The following TTC17 variants were observed in gnomAD, a reference collection of about 807,000 sequenced individuals.
TTC17 encodes the protein tetratricopeptide repeat protein 17.
Under a neutral mutation model 143.8 loss-of-function variants are expected in TTC17, and 58 were observed. The ratio of observed to expected loss-of-function variants is 0.40; its 90% confidence interval spans 0.33 to 0.50. The LOEUF (loss-of-function observed/expected upper bound fraction) is 0.50. Ranked by LOEUF, TTC17 falls within the 20% of genes least tolerant of loss-of-function variation. TTC17 has a pLI of 0.49. For synonymous variants in TTC17, 501 were observed against 497.8 expected (o/e 1.01, Z -0.09); for missense variants, 1,273 against 1,392.5 (o/e 0.91, Z 1.37).
At chr11:43,408,037 C>G (rs1382833934) in intron 15 of TTC17, among the ~76,000 whole-genome samples, 1 of 152,086 alleles carries the variant, frequency 6.6e-6, no homozygotes, top group Non-Finnish European at 1.5e-5. Context: ...TTTCATGCCC[C>G]AAACCTCTCA....
intron 21 of TTC17, among the ~76,000 whole-genome samples, chr11:43,462,969 G>A (rs1947899289): frequency 7.5e-6 from 1 of 133,958 alleles, no homozygotes; most frequent in South Asian, 2.2e-4. Context: ...AGGCTGAAGT[G>A]CAGTGGTGCT....
Position 43,450,136 on chromosome 11 carries a change from T to A in TTC17, c.2841T>A (p.Pro947=), listed in dbSNP as rs755363868. ...ATPIQQPAME[P]LCNGNLPTSM... Reference sequence around the variant, plus strand: ...CTATACAGCAGCCAGCAATGGAGCCTCTTTGCAATGGCAATCTCCCCACGA... The same window carrying A: ...CTATACAGCAGCCAGCAATGGAGCCACTTTGCAATGGCAATCTCCCCACGA... Residue 947 remains proline (P), a synonymous_variant, in exon 20 of 24, where the codon CCT becomes CCA. Transcript: ENST00000039989. The A allele has an allele frequency of 1.2e-6, 2 of 1,614,188 alleles. No individual in the cohort carries two copies. The highest frequency in any genetic ancestry group is 8.5e-7 in the Non-Finnish European group (1 of 1,180,014).
In TTC17 at chr11:43,389,835, C is replaced by A. The variant is rs759306118; in HGVS notation, c.419+14C>A. On this transcript the variant is annotated intron_variant, in intron 3 of 23. Coordinates refer to ENST00000039989, the MANE Select transcript of TTC17 (RefSeq NM_018259.6). The stretch of plus-strand genomic sequence containing the variant: ...CAAAGACATCAGGTAAAGAAGTTCT[C>A]TTTCCAAAAATAAAATTGCTGTTTC... The A allele has an allele frequency of 3.8e-6, 6 of 1,564,540 alleles. No individual in the cohort carries two copies. Among genetic ancestry groups the A allele is most frequent in the Non-Finnish European group, 5.2e-6 (6 of 1,159,408 alleles).
intron 21 of TTC17, among the ~76,000 whole-genome samples, chr11:43,475,507 A>AT: frequency 6.6e-6 from 1 of 152,144 alleles, no homozygotes; most frequent in East Asian, 1.9e-4. Context: ...TAATTTTTAA[A>AT]TTTTTTAAAT....
chr11:43,383,040 C>G (rs1200264696), intron 2 of TTC17, among the ~76,000 whole-genome samples: 1 of 152,084 alleles, frequency 6.6e-6, no homozygotes, highest in Non-Finnish European at 1.5e-5. Context: ...GCTGGGACCA[C>G]AGGCGTGCAC....
At chr11:43,482,458 T>G (rs1241634427) in intron 21 of TTC17, among the ~76,000 whole-genome samples, 1 of 152,094 alleles carries the variant, frequency 6.6e-6, no homozygotes, top group Non-Finnish European at 1.5e-5. Context: ...TTTAGGAGTA[T>G]GATATTTAGT....
intron 3 of TTC17, among the ~76,000 whole-genome samples, chr11:43,390,790 C>T (rs1857355382): frequency 6.6e-6 from 1 of 151,672 alleles, no homozygotes; most frequent in South Asian, 2.1e-4. Flanking sequence ...CAAATGAAAA[C>T]ATTTAGATAG....
chr11:43,362,926 A>G (rs1018454706), intron 1 of TTC17, among the ~76,000 whole-genome samples: 3 of 152,190 alleles, frequency 2.0e-5, no homozygotes, highest in African/African-American at 7.2e-5. Flanking sequence ...CACTGGTGTC[A>G]GGGGAAGGCT....
In TTC17 at chr11:43,450,208, C is replaced by G. The variant is rs766747933; in HGVS notation, c.2913C>G (p.Ser971Arg). ...TGCATGGGGTTTCCAACCGAGCCAG[C>G]CTGCACTACACAGGGGAGAGTCAGT... is the stretch of plus-strand genomic sequence containing the variant. ...DHLHGVSNRA[S>R]LHYTGESQLT... Residue 971 changes from serine to arginine, a missense_variant, in exon 20 of 24, where the codon AGC becomes AGG. Transcript: ENST00000039989. The G allele has an allele frequency of 4.3e-6, 7 of 1,613,988 alleles. No individual in the cohort carries two copies. In the South Asian group the frequency reaches 5.5e-5, roughly 13 times the overall value.
At chr11:43,436,408 A>G (rs954901290) in intron 16 of TTC17, 13 of 1,195,198 alleles carry the variant, frequency 1.1e-5, no homozygotes, top group African/African-American at 1.6e-5. Flanking sequence ...GCTTTTCTCT[A>G]CTTTTAAGAA....
At chr11:43,420,267 C>T (rs1436542927) in intron 16 of TTC17, among the ~76,000 whole-genome samples, 1 of 152,206 alleles carries the variant, frequency 6.6e-6, no homozygotes, top group Admixed American at 6.5e-5. Flanking sequence ...CTTCTACCTT[C>T]AGCCAATCAT....
intron 16 of TTC17, chr11:43,436,058 C>T: frequency 1.0e-6 from 1 of 986,216 alleles, no homozygotes; most frequent in African/African-American, 1.7e-5. Context: ...TGAAGAAAAA[C>T]CGGCATTGTC....
Position 43,407,384 on chromosome 11 carries a change from A to C in TTC17, c.1871A>C (p.Glu624Ala). 1 of 1,613,876 alleles carries C rather than the reference A, an allele frequency of 6.2e-7. No homozygotes were observed. Among genetic ancestry groups the C allele is most frequent in the Non-Finnish European group, 8.5e-7 (1 of 1,179,964 alleles). The change falls in exon 15 of 24, where the codon GAA (glutamate) becomes GCA (alanine). Residue 624 changes from glutamate to alanine, a missense_variant. Glu to Ala is a moderately radical substitution (Grantham distance 107). Around this residue, in one of 3 missense-constraint regions of TTC17, gnomAD observed 878 missense variants for 899.8 expected, o/e 0.98. Transcript: ENST00000039989. ...PNAPIWLILN[E>A]AGLYWRAVGN... Reference sequence around the variant, plus strand: ...GCTCCTATCTGGCTCATACTCAATGAAGCTGGACTATACTGGAGAGCAGTA... The same window carrying C: ...GCTCCTATCTGGCTCATACTCAATGCAGCTGGACTATACTGGAGAGCAGTA...
chr11:43,406,363 T>C (rs1245705302), intron 13 of TTC17, among the ~76,000 whole-genome samples: 1 of 152,186 alleles, frequency 6.6e-6, no homozygotes, highest in Admixed American at 6.6e-5. Context: ...TGTGACCTTA[T>C]ATGAGGTCCA....
intron 1 of TTC17, among the ~76,000 whole-genome samples, chr11:43,366,376 C>T (rs978535418): frequency 5.3e-5 from 8 of 151,588 alleles, no homozygotes; most frequent in African/African-American, 9.7e-5. Flanking sequence ...CATGGTGGTG[C>T]GCACCTGTAA....
chr11:43,395,545 C>G (rs1275924533), intron 5 of TTC17: 1 of 152,220 alleles, frequency 6.6e-6, no homozygotes, highest in Non-Finnish European at 1.5e-5. Context: ...ACCTCGGCCA[C>G]AAGTCAGTTG....
At chr11:43,429,185 C>T (rs1033126791) in intron 16 of TTC17, among the ~76,000 whole-genome samples, 5 of 152,174 alleles carry the variant, frequency 3.3e-5, no homozygotes, top group Non-Finnish European at 7.3e-5. Flanking sequence ...GTTTCATTAA[C>T]GACGTTTCCC....
At chr11:43,359,216 C>T (rs1391240751) in intron 1 of TTC17, 103 bp downstream of exon 1, 2 of 1,379,588 alleles carry the variant, frequency 1.4e-6, no homozygotes, top group East Asian at 6.1e-5. Flanking sequence ...CCGCCCCCAG[C>T]CTACCCTCAC....
At position 43,407,004 on chromosome 11, in the gene TTC17, A is replaced by G. The variant is rs780924703; in HGVS notation, c.1762-134A>G. 1.4e-4 allele frequency: 85 copies of G among 620,654 alleles called. 1 individual carries two copies. The highest frequency in any genetic ancestry group is 2.3e-4 in the Non-Finnish European group (81 of 357,084). 38.4% of individuals were successfully genotyped at this position (620,654 alleles called of 1,614,324 possible). ...TGGTATGTGAATGAATTTATGTCAT[A>G]TATATGATCATAAATATTTGTTCAA... On this transcript the variant is annotated intron_variant, in intron 13 of 23. Transcript: ENST00000039989.
Sources: allele counts gnomAD v4.1 joint callset (sites outside exome capture counted in the v4.1 genomes callset), GRCh38; gene constraint gnomAD v4.1.1; regional missense constraint gnomAD v4.1.1; transcripts MANE v1.5; gene names NCBI Gene and HGNC (gene_info 2026-07-23, HGNC 2026-07-21).